Variants in SYNE1 observed in about 807,000 individuals in gnomAD.
SYNE1 encodes the protein nesprin-1.
SYNE1 carries 616 observed loss-of-function variants against 1,111.0 expected under a neutral mutation model. The ratio of observed to expected loss-of-function variants is 0.55; its 90% CI spans 0.52 to 0.59. The LOEUF (loss-of-function observed/expected upper bound fraction) is 0.59, where lower values mean the gene tolerates loss of function less well. Among genes scored for constraint, SYNE1 ranks in the 20% least tolerant of loss-of-function variants. The pLI, the probability that SYNE1 is intolerant of heterozygous loss-of-function variation, is 0.00. For missense variants in SYNE1, 10,006 were observed against 10,417.0 expected (o/e 0.96, Z 1.72); for synonymous variants, 3,855 against 3,825.8 (o/e 1.01, Z -0.28).
At chr6:152,323,917 A>G (rs1283899195) in intron 81 of SYNE1, among the ~76,000 whole-genome samples, 180 bp from the exon 82 acceptor site, 4 of 152,218 alleles carry the variant, frequency 2.6e-5, no homozygotes, top group African/African-American at 9.6e-5. Flanking sequence ...TATCACCTCT[A>G]TACCTCTGGG....
In SYNE1 at chr6:152,139,984, A is replaced by G. The variant is rs754244784; in HGVS notation, c.25424T>C (p.Ile8475Thr). 1 of 1,613,922 alleles carries G rather than the reference A, an allele frequency of 6.2e-7. No individual in the cohort carries two copies. The highest frequency in any genetic ancestry group is 2.2e-5 in the East Asian group (1 of 44,860). The change falls in exon 140 of 146, where the codon ATC (isoleucine) becomes ACC (threonine). Residue 8475 changes from isoleucine (I) to threonine (T), a missense_variant. Ile to Thr is a moderately conservative substitution (Grantham distance 89). Transcript: ENST00000367255. ...TTTGATCTGGAGCTCGATGGTCTGGATGTCAGTGCTGAGTTCCAGACGCTG... is the reference window on the plus strand; with the variant it reads ...TTTGATCTGGAGCTCGATGGTCTGGGTGTCAGTGCTGAGTTCCAGACGCTG... ...QLQRLELSTD[I>T]QTIELQIKKL...
chr6:152,430,794 T>A, intron 34 of SYNE1, 85 bp from the exon 35 acceptor site: 1 of 1,281,832 alleles, frequency 7.8e-7, no homozygotes, highest in Non-Finnish European at 1.1e-6. Context: ...AAAGAGGGAA[T>A]ATTTTCTTAA....
At chr6:152,540,575 T>C (rs1291782547) in intron 3 of SYNE1, among the ~76,000 whole-genome samples, 2 of 152,136 alleles carry the variant, frequency 1.3e-5, no homozygotes, top group East Asian at 3.9e-4. Flanking sequence ...CCACATGGAG[T>C]CCCCATTTTT....
At chr6:152,134,111 G>C (rs1389435594) in intron 142 of SYNE1, 1 of 153,868 alleles carries the variant, frequency 6.5e-6, no homozygotes. Context: ...TTCTTCTAAT[G>C]GAACTCAAAT....
At chr6:152,355,015 T>C in intron 66 of SYNE1, 39 bp from the exon 67 acceptor site, 1 of 1,607,898 alleles carries the variant, frequency 6.2e-7, no homozygotes, top group Non-Finnish European at 8.5e-7. Flanking sequence ...CTCAATCATA[T>C]TTCACACTTG....
At chr6:152,278,587 C>T (rs564919554) in intron 97 of SYNE1, among the ~76,000 whole-genome samples, 8 of 152,134 alleles carry the variant, frequency 5.3e-5, no homozygotes, top group African/African-American at 1.9e-4. Flanking sequence ...CTCAGCCTCC[C>T]GAGCAGCTGG....
intron 105 of SYNE1, among the ~76,000 whole-genome samples, chr6:152,245,028 C>A (rs1490813401): frequency 6.6e-6 from 1 of 152,150 alleles, no homozygotes; most frequent in Non-Finnish European, 1.5e-5. Flanking sequence ...TCTAAGGGAC[C>A]ATGTTCTGCT....
chr6:152,489,730 C>G (rs1277294851), intron 11 of SYNE1, among the ~76,000 whole-genome samples: 1 of 152,164 alleles, frequency 6.6e-6, no homozygotes, highest in African/African-American at 2.4e-5. Context: ...ACAACCTACT[C>G]TAGGAAGATT....
chr6:152,345,826 T>C (rs1179739428), intron 73 of SYNE1, among the ~76,000 whole-genome samples: 1 of 152,192 alleles, frequency 6.6e-6, no homozygotes, highest in Non-Finnish European at 1.5e-5. Context: ...ATAGCCATTC[T>C]TACCCCTCTT....
In SYNE1 at chr6:152,430,225, C is replaced by T. The variant is rs2154201104; in HGVS notation, c.4690-15G>A. ...GATTGCTGGATCTAAAACATTGGTG[C>T]AATATAAAAATAACAGTGGGAAAGA... On this transcript the variant is annotated splice_polypyrimidine_tract_variant and intron_variant, in intron 35 of 145. Transcript: ENST00000367255. 6.4e-7 allele frequency: 1 copy of T among 1,573,702 alleles called. No individual in the cohort carries two copies. The highest frequency in any genetic ancestry group is 8.7e-7 in the Non-Finnish European group (1 of 1,150,924).
At chr6:152,197,397 G>A (rs192649640) in intron 127 of SYNE1, among the ~76,000 whole-genome samples, 14 of 152,206 alleles carry the variant, frequency 9.2e-5, no homozygotes, top group African/African-American at 3.1e-4. Context: ...CTGCAATGAC[G>A]AATCCTTTCC....
At position 152,146,024 on chromosome 6, in the gene SYNE1, C is replaced by CAAAAAAAAAAAAAAAAAAAAA. The variant is rs57218606; in HGVS notation, c.24976+2000_24976+2020dup. 2 of 49,668 alleles carry CAAAAAAAAAAAAAAAAAAAAA rather than the reference C, an allele frequency of 4.0e-5. 1 individual carries two copies. Among genetic ancestry groups the CAAAAAAAAAAAAAAAAAAAAA allele is most frequent in the Non-Finnish European group, 7.1e-5 (2 of 28,178 alleles). 3.1% of individuals were successfully genotyped at this position (49,668 alleles called of 1,614,324 possible). ...TGGGCAACAGAACTAGACTTCGTCT[C>CAAAAAAAAAAAAAAAAAAAAA]AAAAAAAAAAAAAAAAAAAAAAAAA... is the stretch of plus-strand genomic sequence containing the variant. On this transcript the variant is annotated intron_variant, in intron 137 of 145. Coordinates refer to ENST00000367255, the MANE Select transcript of SYNE1 (RefSeq NM_182961.4).
intron 127 of SYNE1, among the ~76,000 whole-genome samples, chr6:152,198,010 G>A (rs764407051): frequency 6.6e-6 from 1 of 151,252 alleles, no homozygotes; most frequent in Non-Finnish European, 1.5e-5. Context: ...AGGAAGGGGA[G>A]AGGAGGGGAG....
chr6:152,150,592 T>C (rs1451103882), intron 135 of SYNE1, among the ~76,000 whole-genome samples: 1 of 152,180 alleles, frequency 6.6e-6, no homozygotes, highest in Non-Finnish European at 1.5e-5. Flanking sequence ...GTTATGGGCG[T>C]CATGACCATT....
chr6:152,466,801 A>G (rs1016248586), intron 16 of SYNE1, among the ~76,000 whole-genome samples: 6 of 152,116 alleles, frequency 3.9e-5, no homozygotes, highest in African/African-American at 1.4e-4. Flanking sequence ...TTACTTCTTG[A>G]AAGTAGAAAA....
In SYNE1 at chr6:152,155,952, C is replaced by G. The variant is rs769773495; in HGVS notation, c.23936G>C (p.Arg7979Pro). Reference protein sequence around the residue: ...IQQATRNLDRRWRNICAMSME... With the variant: ...IQQATRNLDRPWRNICAMSME... ...GGACATAGCACAAATGTTTCTCCAC[C>G]GCCGGTCCAGGTTTCTCGTAGCCTG... is the stretch of plus-strand genomic sequence containing the variant. The change falls in exon 132 of 146, where the codon CGG becomes CCG. Residue 7979 changes from arginine (R) to proline (P), a missense_variant. Arg to Pro is a moderately radical substitution (Grantham distance 103). Coordinates refer to ENST00000367255, the MANE Select transcript of SYNE1 (RefSeq NM_182961.4). 6.2e-7 allele frequency: 1 copy of G among 1,614,114 alleles called. No homozygotes were observed. The highest frequency in any genetic ancestry group is 8.5e-7 in the Non-Finnish European group (1 of 1,180,024).
intron 131 of SYNE1, among the ~76,000 whole-genome samples, chr6:152,161,973 T>C (rs909775588): frequency 6.6e-6 from 1 of 152,160 alleles, no homozygotes; most frequent in African/African-American, 2.4e-5. Flanking sequence ...ATCTCCCCAT[T>C]TTTAACATAG....
At chr6:152,288,346 C>A (rs1199219705) in intron 95 of SYNE1, among the ~76,000 whole-genome samples, 4 of 152,168 alleles carry the variant, frequency 2.6e-5, no homozygotes, top group Non-Finnish European at 4.4e-5. Context: ...CTGTAGCCCA[C>A]AAGCAGATTT....
chr6:152,632,340 T>C (rs1205366474), intron 2 of SYNE1, among the ~76,000 whole-genome samples: 1 of 152,228 alleles, frequency 6.6e-6, no homozygotes, highest in Non-Finnish European at 1.5e-5. Flanking sequence ...TCCTTCCTTT[T>C]TCAGACATTA....
Sources: gnomAD v4.1 joint callset for allele counts (sites outside exome capture counted in the v4.1 genomes callset) on GRCh38, gnomAD v4.1.1 for gene constraint, MANE v1.5 for transcripts, NCBI Gene and HGNC (gene_info 2026-07-23, HGNC 2026-07-21) for gene names.